VWA3B: variants seen among roughly 807,000 people sequenced by gnomAD.
VWA3B encodes von Willebrand factor A domain-containing protein 3B.
In VWA3B, 138 loss-of-function variants were observed where a neutral mutation model predicts 158.3. The ratio of observed to expected loss-of-function variants is 0.87; its 90% confidence interval spans 0.76 to 1.00. The LOEUF (loss-of-function observed/expected upper bound fraction) is 1.00. Among genes scored for constraint, VWA3B ranks in the 50% least tolerant of loss-of-function variants. The pLI is 0.00. For missense variants in VWA3B, 1,555 were observed against 1,565.1 expected (o/e 0.99, Z 0.11); for synonymous variants, 596 against 587.3 (o/e 1.01, Z -0.21).
At chr2:98,152,150 C>T (rs1478787475) in intron 7 of VWA3B, among the ~76,000 whole-genome samples, 1 of 152,218 alleles carries the variant, frequency 6.6e-6, no homozygotes, top group Non-Finnish European at 1.5e-5. Flanking sequence ...AGTGCCTGTC[C>T]TTCCTCTACC....
chr2:98,119,850 T>C, intron 4 of VWA3B, 87 bp downstream of exon 4: 9 of 1,480,038 alleles, frequency 6.1e-6, no homozygotes, highest in Non-Finnish European at 8.3e-6. Flanking sequence ...CTGACACAGT[T>C]AGCTCTCTGG....
chr2:98,319,948 T>G, the VWA3B span, among the ~76,000 whole-genome samples: 1 of 151,950 alleles, frequency 6.6e-6, no homozygotes, highest in East Asian at 1.9e-4. Flanking sequence ...TAGAGAACTG[T>G]CAATAATGTG....
intron 3 of VWA3B, among the ~76,000 whole-genome samples, chr2:98,118,460 A>T (rs575604420): frequency 1.3e-5 from 2 of 152,326 alleles, no homozygotes; most frequent in South Asian, 2.1e-4. Flanking sequence ...GTGCTCTAAG[A>T]ATCCCTAAGC....
intron 2 of VWA3B, among the ~76,000 whole-genome samples, chr2:98,093,789 G>T (rs1456496433): frequency 6.6e-6 from 1 of 151,910 alleles, no homozygotes; most frequent in Non-Finnish European, 1.5e-5. Flanking sequence ...ACATCTTCCC[G>T]ATTCCCACCG....
intron 12 of VWA3B, among the ~76,000 whole-genome samples, chr2:98,202,216 C>T (rs1558668350): frequency 6.6e-6 from 1 of 152,010 alleles, no homozygotes; most frequent in Admixed American, 6.6e-5. Context: ...ATTATCTGTA[C>T]CTCTGTGAGT....
chr2:98,196,426 TAAAG>T (rs1296106848), intron 12 of VWA3B, among the ~76,000 whole-genome samples: 1 of 152,182 alleles, frequency 6.6e-6, no homozygotes, highest in Non-Finnish European at 1.5e-5. Flanking sequence ...AAAAAGATAA[TAAAG>T]AAAGCCAAAT....
chr2:98,268,673 C>G (rs1688010566), intron 21 of VWA3B, among the ~76,000 whole-genome samples: 1 of 141,368 alleles, frequency 7.1e-6, no homozygotes, highest in Admixed American at 7.5e-5. Context: ...TAATATATCT[C>G]CATTCCTTTT....
chr2:98,102,098 G>A (rs932895976), intron 2 of VWA3B, among the ~76,000 whole-genome samples: 2 of 151,434 alleles, frequency 1.3e-5, no homozygotes, highest in African/African-American at 2.4e-5. Flanking sequence ...CTGCCTTCAA[G>A]CATCTGTTTA....
At position 98,290,590 on chromosome 2, in the gene VWA3B, C is replaced by A; in HGVS notation, c.3125C>A (p.Ala1042Glu). 1 of 1,594,618 alleles carries A rather than the reference C, an allele frequency of 6.3e-7. No individual in the cohort carries two copies. Among genetic ancestry groups the A allele is most frequent in the South Asian group, 1.2e-5 (1 of 85,298 alleles). ...CCCCTCAAAGGACAGAAGGTTATTG[C>A]AAGATGTGATGAAAATGGCTTTTAT... ...PDPLKGQKVIARCDENGFYFP... is the reference protein window; with the variant it reads ...PDPLKGQKVIERCDENGFYFP... Residue 1042 changes from alanine (A) to glutamate (E), a missense_variant, in exon 23 of 28, where the codon GCA (alanine) becomes GAA (glutamate). Coordinates refer to ENST00000477737, the MANE Select transcript of VWA3B (RefSeq NM_144992.5).
At chr2:98,131,399 T>A (rs1675861788) in intron 6 of VWA3B, among the ~76,000 whole-genome samples, 1 of 152,260 alleles carries the variant, frequency 6.6e-6, no homozygotes, top group Non-Finnish European at 1.5e-5. Context: ...TGAATAGTGC[T>A]GTAATAAACA....
chr2:98,311,438 T>C (rs1263237648), intron 26 of VWA3B, among the ~76,000 whole-genome samples: 1 of 152,226 alleles, frequency 6.6e-6, no homozygotes, highest in Non-Finnish European at 1.5e-5. Context: ...ATATCTCTGA[T>C]GTACAAGCTC....
At chr2:98,121,620 C>A (rs1478682180) in intron 5 of VWA3B, among the ~76,000 whole-genome samples, 162 bp downstream of exon 5, 1 of 152,162 alleles carries the variant, frequency 6.6e-6, no homozygotes, top group Admixed American at 6.5e-5. Context: ...ATAGCTGGAA[C>A]AACCCAAATG....
chr2:98,222,846 C>T (rs1684622308), intron 14 of VWA3B, among the ~76,000 whole-genome samples: 3 of 152,160 alleles, frequency 2.0e-5, no homozygotes, highest in Admixed American at 2.0e-4. Flanking sequence ...TAAATTTAAG[C>T]AGGGCAACTA....
chr2:98,298,001 G>C lies in VWA3B; in HGVS notation c.3252G>C (p.Val1084=), dbSNP rs753636798. ...KVVSTSFITP[V]GGAMPCPLLQ... is the part of the protein sequence containing the mutation. ...TGTCCACCTCCTTCATCACGCCTGT[G>C]GGGGGCGCCATGCCCTGCCCGCTGC... Residue 1084 remains valine, a synonymous_variant, in exon 24 of 28, where the codon GTG becomes GTC. Transcript: ENST00000477737. The C allele has an allele frequency of 6.3e-7, 1 of 1,581,524 alleles. No individual in the cohort carries two copies. Among genetic ancestry groups the C allele is most frequent in the Non-Finnish European group, 8.6e-7 (1 of 1,163,978 alleles).
chr2:98,149,463 T>C (rs1677439431), intron 7 of VWA3B, among the ~76,000 whole-genome samples: 1 of 152,242 alleles, frequency 6.6e-6, no homozygotes, highest in African/African-American at 2.4e-5. Flanking sequence ...ATTGGCCGCT[T>C]GATGTACACC....
intron 8 of VWA3B, among the ~76,000 whole-genome samples, chr2:98,166,799 T>TACACACACACACACAC (rs58860649): frequency 0.11 from 16,179 of 145,740 alleles, 1,269 homozygotes; most frequent in African/African-American, 0.21. Flanking sequence ...TTTAATCTAA[T>TACACACACACACACAC]ACACACACAC....
chr2:98,294,402 G>A (rs530515662), intron 23 of VWA3B, among the ~76,000 whole-genome samples: 2 of 152,314 alleles, frequency 1.3e-5, no homozygotes, highest in East Asian at 3.8e-4. Flanking sequence ...TCCACTACAT[G>A]AGGCCAGGTC....
chr2:98,139,479 G>T (rs1676569177), intron 7 of VWA3B, among the ~76,000 whole-genome samples: 1 of 152,228 alleles, frequency 6.6e-6, no homozygotes, highest in South Asian at 2.1e-4. Context: ...GTCTGGTGGG[G>T]ACGTGGAGAA....
At chr2:98,126,419 C>T (rs1291073734) in intron 5 of VWA3B, among the ~76,000 whole-genome samples, 1 of 152,186 alleles carries the variant, frequency 6.6e-6, no homozygotes, top group Non-Finnish European at 1.5e-5. Flanking sequence ...TGTCTCAGGC[C>T]ATGTGTCACT....
Sources: allele counts gnomAD v4.1 joint callset (sites outside exome capture counted in the v4.1 genomes callset), GRCh38; gene constraint gnomAD v4.1.1; transcripts MANE v1.5; gene names NCBI Gene and HGNC (gene_info 2026-07-23, HGNC 2026-07-21).